BRINP3: variants seen among roughly 807,000 people sequenced by gnomAD.
BRINP3 encodes the protein BMP/retinoic acid inducible neural specific 3.
A neutral mutation model predicts 71.0 loss-of-function variants in BRINP3; 19 were observed. The ratio of observed to expected loss-of-function variants is 0.27; its 90% confidence interval spans 0.19 to 0.39. The LOEUF (loss-of-function observed/expected upper bound fraction) is 0.39, where lower values mean the gene tolerates loss of function less well. Among genes scored for constraint, BRINP3 ranks in the 10% least tolerant of loss-of-function variants. The pLI, the probability that BRINP3 is intolerant of heterozygous loss-of-function variation, is 1.00. For missense variants in BRINP3, 959 were observed against 940.8 expected, an observed-to-expected ratio of 1.02 and a Z score of -0.25; for synonymous variants, 380 against 337.7, an observed-to-expected ratio of 1.13 and a Z score of -1.37.
At chr1:190,136,854 A>G (rs186521403) in intron 7 of BRINP3, among the ~76,000 whole-genome samples, 1 of 152,086 alleles carries the variant, frequency 6.6e-6, no homozygotes, top group Non-Finnish European at 1.5e-5. Context: ...TTGAGCACTT[A>G]CTACATAACA....
At chr1:190,272,259 T>C (rs187810208) in intron 3 of BRINP3, among the ~76,000 whole-genome samples, 106 of 151,686 alleles carry the variant, frequency 7.0e-4, no homozygotes, top group African/African-American at 2.5e-3. Context: ...ATATTGCTTG[T>C]GTTTTAATTG....
At chr1:190,298,799 A>C (rs1445345658) in intron 2 of BRINP3, among the ~76,000 whole-genome samples, 1 of 151,754 alleles carries the variant, frequency 6.6e-6, no homozygotes, top group Non-Finnish European at 1.5e-5. Context: ...AAAGAGTTCT[A>C]TATATATATA....
chr1:190,301,204 CATATAT>C lies in BRINP3; in HGVS notation c.237-19460_237-19455del, dbSNP rs369121473. On this transcript the variant is annotated intron_variant, in intron 2 of 7. Coordinates refer to ENST00000367462, the MANE Select transcript of BRINP3 (RefSeq NM_199051.3). ...ATATATATGTATATATATACACATA[CATATAT>C]ATATATATATATATATATATATATA... is the stretch of plus-strand genomic sequence containing the variant. 6.3e-3 allele frequency among the ~76,000 whole-genome samples: 667 copies of C among 106,324 alleles called. 11 individuals carry two copies. The highest frequency in any genetic ancestry group is 7.5e-3 in the Non-Finnish European group (414 of 55,342). 69.8% of individuals were successfully genotyped at this position (106,324 alleles called of 152,430 possible).
chr1:190,106,296 T>A lies in BRINP3; in HGVS notation c.1185-7162A>T, dbSNP rs867689062. On this transcript the variant is annotated intron_variant, in intron 7 of 7. Transcript: ENST00000367462. The stretch of plus-strand genomic sequence containing the variant: ...TATAATGAAAATGATTTTATATATA[T>A]AACATATGTTTATTTCATAATTTTA... Among the ~76,000 whole-genome samples the A allele has an allele frequency of 1.1e-4, 16 of 151,850 alleles. 1 individual carries two copies. The highest frequency in any genetic ancestry group is 2.0e-4 in the Admixed American group (3 of 15,230).
chr1:190,231,546 C>T (rs1571436388), intron 5 of BRINP3, among the ~76,000 whole-genome samples: 1 of 151,760 alleles, frequency 6.6e-6, no homozygotes, highest in African/African-American at 2.4e-5. Flanking sequence ...TTTCATTATT[C>T]TGGTTATACT....
At chr1:190,180,578 C>T (rs529198932) in intron 6 of BRINP3, among the ~76,000 whole-genome samples, 1 of 152,076 alleles carries the variant, frequency 6.6e-6, no homozygotes, top group South Asian at 2.1e-4. Flanking sequence ...AAGCTATGTA[C>T]TCTCACAAGT....
intron 6 of BRINP3, among the ~76,000 whole-genome samples, chr1:190,165,236 C>T (rs1263059508): frequency 1.3e-5 from 2 of 151,832 alleles, no homozygotes; most frequent in African/African-American, 4.8e-5. Context: ...ATTACCAATC[C>T]AATGACTTTA....
At position 190,110,424 on chromosome 1, in the gene BRINP3, C is replaced by T. The variant is rs566556985; in HGVS notation, c.1185-11290G>A. 2.2e-4 allele frequency among the ~76,000 whole-genome samples: 34 copies of T among 152,238 alleles called. 1 individual carries two copies. The South Asian group carries it at 4.4e-3, about 20-fold the overall frequency. On this transcript the variant is annotated intron_variant, in intron 7 of 7. Coordinates refer to ENST00000367462, the MANE Select transcript of BRINP3 (RefSeq NM_199051.3). ...GTTGTCTGAAACATTTTAGGCAGCC[C>T]AGATAAACTTTGGAAAAAAATGTGA...
At chr1:190,364,290 C>T (rs1669344841) in intron 2 of BRINP3, among the ~76,000 whole-genome samples, 1 of 152,000 alleles carries the variant, frequency 6.6e-6, no homozygotes, top group Non-Finnish European at 1.5e-5. Context: ...TGGAACTGGT[C>T]TGTATCAGGA....
At chr1:190,417,866 T>C (rs2102442899) in intron 2 of BRINP3, among the ~76,000 whole-genome samples, 1 of 152,296 alleles carries the variant, frequency 6.6e-6, no homozygotes, top group Non-Finnish European at 1.5e-5. Context: ...CTTACAAAAA[T>C]AGTTGTTTCC....
chr1:190,277,314 C>T, intron 3 of BRINP3, among the ~76,000 whole-genome samples: 1 of 150,650 alleles, frequency 6.6e-6, no homozygotes, highest in Non-Finnish European at 1.5e-5. Flanking sequence ...ATGTGCTTGT[C>T]AGGAGATCAC....
intron 2 of BRINP3, among the ~76,000 whole-genome samples, chr1:190,396,713 G>GATATATATATATAT (rs3077327): frequency 0.018 from 1,785 of 100,858 alleles, 60 homozygotes; most frequent in African/African-American, 0.03. Context: ...CTAATTTAAT[G>GATATATATATATAT]ATATATATAT....
chr1:190,377,338 C>A (rs1670247488), intron 2 of BRINP3, among the ~76,000 whole-genome samples: 3 of 151,940 alleles, frequency 2.0e-5, no homozygotes, highest in East Asian at 3.9e-4. Flanking sequence ...ATAAAACTAA[C>A]CTTTAAAAAT....
chr1:190,281,674 G>C lies in BRINP3; in HGVS notation c.313C>G (p.Pro105Ala). 1 of 1,612,792 alleles carries C rather than the reference G, an allele frequency of 6.2e-7. No homozygotes were observed. Among genetic ancestry groups the C allele is most frequent in the Non-Finnish European group, 8.5e-7 (1 of 1,179,270 alleles). Residue 105 changes from proline (P) to alanine (A), a missense_variant, in exon 3 of 8, where the codon CCT (proline) becomes GCT (alanine). By Grantham distance (27) the Pro-to-Ala change is conservative. Coordinates refer to ENST00000367462, the MANE Select transcript of BRINP3 (RefSeq NM_199051.3). ...NFLGSPLPLA[P>A]EFFRNIRLLG... is the part of the protein sequence containing the mutation. ...AGTCTTATGTTGCGGAAGAATTCAG[G>C]GGCAAGAGGCAGAGGAGAGCCAAGG...
At chr1:190,365,806 G>GTGTATATATATATATATA (rs913644308) in intron 2 of BRINP3, among the ~76,000 whole-genome samples, 35 of 127,860 alleles carry the variant, frequency 2.7e-4, no homozygotes, top group South Asian at 7.6e-4. Context: ...GAGAGCAAGT[G>GTGTATATATATATATATA]TATATATATA....
At chr1:190,350,174 C>T (rs1668284348) in intron 2 of BRINP3, among the ~76,000 whole-genome samples, 1 of 152,068 alleles carries the variant, frequency 6.6e-6, no homozygotes, top group African/African-American at 2.4e-5. Context: ...CATTGAAACA[C>T]AAGGCTAAAG....
chr1:190,164,501 T>C lies in BRINP3; in HGVS notation c.962-3611A>G, dbSNP rs1571883666. ...TGTGCTAATTATATTACAATTTATA[T>C]TAATATTGTGAATACATATAAAATA... On this transcript the variant is annotated intron_variant, in intron 6 of 7. Coordinates refer to ENST00000367462, the MANE Select transcript of BRINP3 (RefSeq NM_199051.3). Among the ~76,000 whole-genome samples the C allele has an allele frequency of 2.0e-5, 3 of 152,274 alleles. No individual in the cohort carries two copies. In the South Asian group the frequency reaches 6.2e-4, roughly 32 times the overall value.
intron 2 of BRINP3, among the ~76,000 whole-genome samples, chr1:190,378,961 C>T (rs1571902325): frequency 6.6e-6 from 1 of 152,154 alleles, no homozygotes. Flanking sequence ...CCATGAATCA[C>T]AAAGTATTTT....
chr1:190,306,703 T>C (rs1004530496), intron 2 of BRINP3, among the ~76,000 whole-genome samples: 1 of 151,764 alleles, frequency 6.6e-6, no homozygotes, highest in Non-Finnish European at 1.5e-5. Context: ...GCAACTATTT[T>C]AGCACAGATA....
Sources: allele counts gnomAD v4.1 joint callset (sites outside exome capture counted in the v4.1 genomes callset), GRCh38; gene constraint gnomAD v4.1.1; transcripts MANE v1.5; gene names NCBI Gene and HGNC (gene_info 2026-07-23, HGNC 2026-07-21).